The following ABCC3 variants were observed in gnomAD, a reference collection of about 807,000 sequenced individuals.
ABCC3 encodes ATP-binding cassette sub-family C member 3.
ABCC3 carries 121 observed loss-of-function variants against 165.3 expected under a neutral mutation model. The observed-to-expected ratio is 0.73, with a 90% CI of 0.63 to 0.85. The LOEUF is 0.85. ABCC3 is among the 40% of genes least tolerant of loss of function. The probability of loss-of-function intolerance (pLI) is 0.00; values close to 1 mark genes in which losing one functional copy is unlikely to be tolerated. For missense variants in ABCC3, 1,869 were observed against 1,964.1 expected (o/e 0.95, Z 0.92); for synonymous variants, 733 against 810.1 (o/e 0.90, Z 1.62).
At chr17:50,658,001 GC>G in intron 4 of ABCC3, 80 bp from the exon 5 acceptor site, 3 of 1,596,816 alleles carry the variant, frequency 1.9e-6, no homozygotes, top group Non-Finnish European at 2.6e-6. Context: ...GGAGACTGAT[GC>G]CCCAAGGGAC....
chr17:50,655,412 A>AAAAAC (rs1967210599), intron 1 of ABCC3, among the ~76,000 whole-genome samples: 1 of 149,298 alleles, frequency 6.7e-6, no homozygotes, highest in Non-Finnish European at 1.5e-5. Context: ...CTCAAAAAAA[A>AAAAAC]AAAAAAAAAC....
At position 50,684,748 on chromosome 17, in the gene ABCC3, G is replaced by C; in HGVS notation, c.4153G>C (p.Asp1385His). 6.2e-7 allele frequency: 1 copy of C among 1,614,104 alleles called. No homozygotes were observed. The highest frequency in any genetic ancestry group is 2.2e-5 in the East Asian group (1 of 44,878). The change falls in exon 29 of 31, where the codon GAC becomes CAC. Residue 1385 changes from aspartate (D) to histidine (H), a missense_variant. Coordinates refer to ENST00000285238, the MANE Select transcript of ABCC3 (RefSeq NM_003786.4). ...LFSGTLRMNL[D>H]PFGSYSEEDI... ...CTCGGGGACCCTGCGCATGAACCTGGACCCCTTCGGCAGCTACTCAGAGGA... is the reference window on the plus strand; with the variant it reads ...CTCGGGGACCCTGCGCATGAACCTGCACCCCTTCGGCAGCTACTCAGAGGA...
chr17:50,670,458 T>A (rs1014279836), intron 17 of ABCC3, among the ~76,000 whole-genome samples: 8 of 152,150 alleles, frequency 5.3e-5, no homozygotes, highest in Non-Finnish European at 1.2e-4. Context: ...TCATTTACCA[T>A]ATATTTATTA....
chr17:50,668,449 G>C lies in ABCC3; in HGVS notation c.1802G>C (p.Arg601Pro). 6.2e-7 allele frequency: 1 copy of C among 1,613,930 alleles called. No individual in the cohort carries two copies. The highest frequency in any genetic ancestry group is 1.1e-5 in the South Asian group (1 of 91,080). ...NLTQASVSLK[R>P]IQQFLSQEEL... ...CCGTAGGCCAGTGTGTCTCTGAAAC[G>C]GATCCAGCAATTCCTGAGCCAAGAG... The change falls in exon 14 of 31, where the codon CGG becomes CCG. Residue 601 changes from arginine (R) to proline (P), a missense_variant. Coordinates refer to ENST00000285238, the MANE Select transcript of ABCC3 (RefSeq NM_003786.4).
chr17:50,655,571 G>C (rs1967221193), intron 1 of ABCC3, among the ~76,000 whole-genome samples: 1 of 151,918 alleles, frequency 6.6e-6, no homozygotes, highest in African/African-American at 2.4e-5. Context: ...ACTTTAATTG[G>C]GTGCAGTTTT....
chr17:50,680,119 T>C (rs1967902353), intron 26 of ABCC3, among the ~76,000 whole-genome samples: 1 of 152,148 alleles, frequency 6.6e-6, no homozygotes, highest in Non-Finnish European at 1.5e-5. Context: ...GATTCTGATT[T>C]GGTGGGAGGG....
At chr17:50,688,080 T>TTTTGTA (rs1968056370) in intron 30 of ABCC3, among the ~76,000 whole-genome samples, 1 of 151,794 alleles carries the variant, frequency 6.6e-6, no homozygotes, top group Admixed American at 6.6e-5. Context: ...TCCGGCTAAT[T>TTTTGTA]TTTGTATTTT....
chr17:50,679,703 G>A (rs1435556314), intron 25 of ABCC3, 95 bp from the exon 26 acceptor site: 1 of 1,200,778 alleles, frequency 8.3e-7, no homozygotes, highest in Non-Finnish European at 1.2e-6. Context: ...AGGATCCCAT[G>A]GATGGGCACA....
chr17:50,659,149 TG>T, intron 6 of ABCC3, 87 bp from the exon 7 acceptor site: 1 of 1,520,232 alleles, frequency 6.6e-7, no homozygotes, highest in Non-Finnish European at 9.0e-7. Flanking sequence ...CTGGAGACCC[TG>T]GGGCCCTGGA....
At chr17:50,670,208 G>A (rs565983994) in intron 17 of ABCC3, among the ~76,000 whole-genome samples, 4 of 152,144 alleles carry the variant, frequency 2.6e-5, no homozygotes, top group African/African-American at 7.2e-5. Context: ...TCAGCCACCC[G>A]AGTAGCTGGG....
chr17:50,656,322 T>C (rs974197780), intron 2 of ABCC3, among the ~76,000 whole-genome samples: 4 of 152,122 alleles, frequency 2.6e-5, no homozygotes, highest in South Asian at 2.1e-4. Context: ...TGACCTCAGG[T>C]GATCAGCCTC....
chr17:50,684,998 C>T lies in ABCC3; in HGVS notation c.4280+123C>T, dbSNP rs893719007. 7.2e-6 allele frequency: 8 copies of T among 1,104,596 alleles called. No homozygotes were observed. The African/African-American group carries it at 1.3e-4, about 17-fold the overall frequency. 68.4% of individuals were successfully genotyped at this position (1,104,596 alleles called of 1,614,324 possible). On this transcript the variant is annotated intron_variant, in intron 29 of 30. Coordinates refer to ENST00000285238, the MANE Select transcript of ABCC3 (RefSeq NM_003786.4). ...CAGCCCGGATGTGCACAGGGCTGTC[C>T]TTTCGTATTGAGCATATTCCGTGTG...
Position 50,667,633 on chromosome 17 carries a change from A to T in ABCC3, c.1511A>T (p.Tyr504Phe). 3 of 1,614,242 alleles carry T rather than the reference A, an allele frequency of 1.9e-6. No individual in the cohort carries two copies. In the South Asian group the frequency reaches 3.3e-5, roughly 18 times the overall value. ...AACGGCATCAAGGTGCTGAAGCTGT[A>T]CGCCTGGGAGCCCAGCTTCCTGAAG... The part of the protein sequence containing the change: ...ILNGIKVLKL[Y>F]AWEPSFLKQV... Residue 504 changes from tyrosine (Y) to phenylalanine (F), a missense_variant, in exon 12 of 31, where the codon TAC becomes TTC. Physicochemically the swap from Tyr to Phe is conservative, Grantham distance 22. Coordinates refer to ENST00000285238, the MANE Select transcript of ABCC3 (RefSeq NM_003786.4).
intron 6 of ABCC3, 167 bp downstream of exon 6, chr17:50,658,663 G>C: frequency 1.3e-6 from 1 of 758,456 alleles, no homozygotes; most frequent in South Asian, 1.6e-5. Context: ...CTGGGAGGGG[G>C]ACCAAATGCA....
intron 29 of ABCC3, 102 bp downstream of exon 29, chr17:50,684,977 C>A: frequency 1.5e-6 from 2 of 1,334,994 alleles, no homozygotes; most frequent in Non-Finnish European, 2.1e-6. Flanking sequence ...TGAGGCCAGC[C>A]CGGATGTGCA....
intron 17 of ABCC3, among the ~76,000 whole-genome samples, chr17:50,670,737 C>G (rs764399143): frequency 2.6e-5 from 4 of 152,076 alleles, no homozygotes; most frequent in African/African-American, 9.7e-5. Context: ...ACCGAGTGAG[C>G]CTTGTCTGGA....
chr17:50,687,576 C>A lies in ABCC3; in HGVS notation c.4321C>A (p.Leu1441Ile). ...RQLVCLARAL[L>I]RKSRILVLDE... ...GCTCGTGTGCCTGGCCCGAGCCCTG[C>A]TCCGCAAGAGCCGCATCCTGGTTTT... Residue 1441 changes from leucine to isoleucine, a missense_variant, in exon 30 of 31, where the codon CTC becomes ATC. Leu to Ile is a conservative substitution (Grantham distance 5). Coordinates refer to ENST00000285238, the MANE Select transcript of ABCC3 (RefSeq NM_003786.4). 1 of 1,614,144 alleles carries A rather than the reference C, an allele frequency of 6.2e-7. No homozygotes were observed. The highest frequency in any genetic ancestry group is 8.5e-7 in the Non-Finnish European group (1 of 1,180,054).
At chr17:50,679,147 A>G (rs996926753) in intron 25 of ABCC3, 1 of 152,350 alleles carries the variant, frequency 6.6e-6, no homozygotes, top group African/African-American at 2.4e-5. Context: ...TCTGCAGGTC[A>G]GGCAGGTCAT....
intron 1 of ABCC3, among the ~76,000 whole-genome samples, chr17:50,636,105 G>A (rs912428466): frequency 6.6e-6 from 1 of 152,186 alleles, no homozygotes; most frequent in Non-Finnish European, 1.5e-5. Flanking sequence ...AGGGAGCTCA[G>A]ATTAAAGGTG....
Sources: allele counts gnomAD v4.1 joint callset (sites outside exome capture counted in the v4.1 genomes callset), GRCh38; gene constraint gnomAD v4.1.1; transcripts MANE v1.5; gene names NCBI Gene and HGNC (gene_info 2026-07-23, HGNC 2026-07-21).